The following IFT52 variants were observed in gnomAD, a reference collection of about 807,000 sequenced individuals.
The protein encoded by IFT52 is intraflagellar transport 52.
A neutral mutation model predicts 54.4 loss-of-function variants in IFT52; 44 were observed. The ratio of observed to expected loss-of-function variants is 0.81; its 90% CI spans 0.63 to 1.04. IFT52 has a LOEUF of 1.04. IFT52 is among the 50% of genes least tolerant of loss of function. The probability of loss-of-function intolerance (pLI) is 0.00; values close to 1 mark genes in which losing one functional copy is unlikely to be tolerated. For missense variants in IFT52, 452 were observed against 523.6 expected (o/e 0.86, Z 1.33); for synonymous variants, 181 against 185.3 (o/e 0.98, Z 0.19).
chr20:43,635,172 A>C (rs1289575620), intron 10 of IFT52, among the ~76,000 whole-genome samples: 6 of 122,742 alleles, frequency 4.9e-5, no homozygotes, highest in Middle Eastern at 3.8e-3. Context: ...TGTCTCCAAA[A>C]AAAAGAGAGA....
chr20:43,600,292 T>C (rs1472203863), intron 3 of IFT52, among the ~76,000 whole-genome samples: 1 of 151,952 alleles, frequency 6.6e-6, no homozygotes, highest in Admixed American at 6.6e-5. Flanking sequence ...GACTAACTCT[T>C]GGTAAAGTTC....
At chr20:43,622,722 A>G (rs936919992) in intron 9 of IFT52, among the ~76,000 whole-genome samples, 15 of 145,508 alleles carry the variant, frequency 1.0e-4, no homozygotes, top group African/African-American at 2.8e-4. Context: ...TTTTTATGTA[A>G]ATATAAATAT....
intron 1 of IFT52, among the ~76,000 whole-genome samples, chr20:43,593,635 T>C (rs752099333): frequency 6.6e-6 from 1 of 152,174 alleles, no homozygotes; most frequent in Non-Finnish European, 1.5e-5. Context: ...AGTGGCGTGA[T>C]TGTGGCTCAC....
chr20:43,627,922 GT>G (rs554920528), intron 10 of IFT52, among the ~76,000 whole-genome samples: 52 of 56,088 alleles, frequency 9.3e-4, no homozygotes, highest in African/African-American at 3.9e-3. Flanking sequence ...GAGAGAGAGA[GT>G]TTTTTTTTTT....
intron 7 of IFT52, among the ~76,000 whole-genome samples, chr20:43,614,485 ACCCG>A (rs756143585): frequency 7.3e-5 from 11 of 149,862 alleles, no homozygotes; most frequent in Admixed American, 1.3e-4. Context: ...CTCGTGGTCC[ACCCG>A]CCTTGGCCTC....
chr20:43,617,590 T>C (rs1983958224), intron 7 of IFT52, among the ~76,000 whole-genome samples: 1 of 152,082 alleles, frequency 6.6e-6, no homozygotes, highest in Non-Finnish European at 1.5e-5. Flanking sequence ...ATTACAGGCA[T>C]GCACCACCAT....
intron 9 of IFT52, among the ~76,000 whole-genome samples, chr20:43,623,690 T>C (rs1984506850): frequency 6.6e-6 from 1 of 152,232 alleles, no homozygotes; most frequent in Non-Finnish European, 1.5e-5. Context: ...ATTTAGCCAG[T>C]ACTGGGGTTT....
intron 10 of IFT52, among the ~76,000 whole-genome samples, chr20:43,625,600 A>G (rs1417468545): frequency 1.3e-5 from 2 of 152,214 alleles, no homozygotes. Context: ...CCTTGTGGCT[A>G]TCTGAGGGAA....
Position 43,593,098 on chromosome 20 carries a change from C to T in IFT52, c.-6-1595C>T, listed in dbSNP as rs148530134. Among the ~76,000 whole-genome samples the T allele has an allele frequency of 2.5e-3, 386 of 152,032 alleles. 10 individuals carry two copies. The South Asian group carries it at 0.051, about 20-fold the overall frequency. On this transcript the variant is annotated intron_variant, in intron 1 of 13. Transcript: ENST00000373030. The stretch of plus-strand genomic sequence containing the variant: ...CTGGGTCACAGAGTGGGACTTTTAT[C>T]TCAAATAATAATAATAAGAAGAAGT...
Position 43,604,046 on chromosome 20 carries a change from T to C in IFT52, c.338-137T>C, listed in dbSNP as rs771505832. On this transcript the variant is annotated intron_variant, in intron 4 of 13. Coordinates refer to ENST00000373030, the MANE Select transcript of IFT52 (RefSeq NM_016004.5). The stretch of plus-strand genomic sequence containing the variant: ...ATCAGCAGTCTGAGCCTCCTAGGCT[T>C]GGGCTGCTTCCATTTATAAAGCGAG... The C allele has an allele frequency of 5.5e-5, 52 of 939,360 alleles. 1 individual carries two copies. The highest frequency in any genetic ancestry group is 7.2e-5 in the South Asian group (5 of 69,400). 58.2% of individuals were successfully genotyped at this position (939,360 alleles called of 1,614,324 possible). A position where few individuals can be genotyped will look rare whatever the true frequency, so the allele number is the denominator to read the frequency against.
intron 3 of IFT52, among the ~76,000 whole-genome samples, chr20:43,598,904 G>A (rs1414371169): frequency 1.3e-5 from 2 of 152,060 alleles, no homozygotes; most frequent in African/African-American, 4.8e-5. Flanking sequence ...GGCCAATGTG[G>A]TCCTTAGATT....
intron 1 of IFT52, among the ~76,000 whole-genome samples, 173 bp from the exon 2 acceptor site, chr20:43,594,520 T>C (rs1330005997): frequency 6.6e-6 from 1 of 152,176 alleles, no homozygotes; most frequent in African/African-American, 2.4e-5. Context: ...TAGGTTTCTG[T>C]GCTATGCTTT....
At chr20:43,618,798 TA>T in intron 7 of IFT52, 141 bp from the exon 8 acceptor site, 1 of 616,618 alleles carries the variant, frequency 1.6e-6, no homozygotes. Context: ...TTGGTATTTC[TA>T]AACTTTAAAA....
intron 10 of IFT52, among the ~76,000 whole-genome samples, chr20:43,631,208 C>T (rs1443260377): frequency 6.6e-6 from 1 of 152,146 alleles, no homozygotes. Context: ...ACCTCAGTTT[C>T]TTCTATAAGA....
At chr20:43,640,199 G>A (rs1985820413) in intron 12 of IFT52, among the ~76,000 whole-genome samples, 4 of 152,210 alleles carry the variant, frequency 2.6e-5, no homozygotes, top group African/African-American at 7.2e-5. Context: ...GCTCATGCCT[G>A]TAATCCCAGC....
chr20:43,596,574 G>C, intron 3 of IFT52, 52 bp downstream of exon 3: 1 of 1,214,096 alleles, frequency 8.2e-7, no homozygotes, highest in Non-Finnish European at 1.2e-6. Context: ...AGGAGTCTGA[G>C]CTTTGAAATA....
chr20:43,616,681 T>A (rs1162889282), intron 7 of IFT52, among the ~76,000 whole-genome samples: 1 of 152,160 alleles, frequency 6.6e-6, no homozygotes, highest in African/African-American at 2.4e-5. Context: ...CTTTGCCTTA[T>A]TTTTATTTAT....
At chr20:43,605,098 T>A (rs765598373) in intron 6 of IFT52, 25 bp downstream of exon 6, 5 of 1,610,240 alleles carry the variant, frequency 3.1e-6, no homozygotes, top group Non-Finnish European at 4.2e-6. Flanking sequence ...TGATGCCACA[T>A]GAGGAAGATG....
chr20:43,622,143 C>A (rs1053488301), intron 9 of IFT52, among the ~76,000 whole-genome samples: 2 of 152,126 alleles, frequency 1.3e-5, no homozygotes, highest in African/African-American at 4.8e-5. Context: ...AGAAGACAGT[C>A]GAAGATGGCT....
Sources: allele counts gnomAD v4.1 joint callset (sites outside exome capture counted in the v4.1 genomes callset), GRCh38; gene constraint gnomAD v4.1.1; transcripts MANE v1.5; gene names NCBI Gene and HGNC (gene_info 2026-07-23, HGNC 2026-07-21).